GADL1: variants seen among roughly 807,000 people sequenced by gnomAD.
GADL1 encodes the protein GAD like acidic amino acid decarboxylase 1, also known as acidic amino acid decarboxylase GADL1.
A neutral mutation model predicts 69.5 loss-of-function variants in GADL1; 71 were observed. The observed-to-expected ratio is 1.02, with a 90% CI of 0.84 to 1.25. The LOEUF (loss-of-function observed/expected upper bound fraction) is 1.25, where lower values mean the gene tolerates loss of function less well. Ranked by LOEUF, GADL1 falls within the 50% of genes most tolerant of loss-of-function variation. The pLI, the probability that GADL1 is intolerant of heterozygous loss-of-function variation, is 0.00. For missense variants in GADL1, 737 were observed against 631.8 expected, an observed-to-expected ratio of 1.17 and a Z score of -1.79; for synonymous variants, 254 against 214.4, an observed-to-expected ratio of 1.18 and a Z score of -1.62.
chr3:30,738,453 C>T (rs766790134), intron 14 of GADL1, among the ~76,000 whole-genome samples: 12 of 143,406 alleles, frequency 8.4e-5, no homozygotes, highest in Non-Finnish European at 1.4e-4. Context: ...TAATTCCCAC[C>T]GACATCTCTA....
Position 30,822,989 on chromosome 3 carries a change from T to G in GADL1, c.1050+10864A>C, listed in dbSNP as rs561166231. ...GCAGTATTGAACAGCTGCTAATTAT[T>G]AAAAATTCAGAACGTGGCACATATC... On this transcript the variant is annotated intron_variant, in intron 11 of 14. Transcript: ENST00000282538. 1.6e-4 allele frequency among the ~76,000 whole-genome samples: 25 copies of G among 152,098 alleles called. 1 individual carries two copies. The South Asian group carries it at 4.8e-3, about 29-fold the overall frequency.
At chr3:30,869,037 A>G (rs76380107) in intron 1 of GADL1, among the ~76,000 whole-genome samples, 2,888 of 151,290 alleles carry the variant, frequency 0.019, 115 homozygotes, top group East Asian at 0.14. Flanking sequence ...TAATAAATTA[A>G]TAAGAGCCTC....
intron 11 of GADL1, among the ~76,000 whole-genome samples, chr3:30,823,947 C>T (rs754433382): frequency 1.9e-4 from 28 of 151,324 alleles, no homozygotes; most frequent in Non-Finnish European, 1.2e-4. Flanking sequence ...CATGGAAAAA[C>T]AAAATTAAGG....
intron 14 of GADL1, among the ~76,000 whole-genome samples, chr3:30,768,622 CCT>C (rs1285554407): frequency 1.3e-5 from 2 of 151,728 alleles, no homozygotes; most frequent in African/African-American, 2.4e-5. Context: ...GGTGCAAAGA[CCT>C]CTGAGGCACA....
At chr3:30,854,677 A>C (rs887357130) in intron 4 of GADL1, 22 bp downstream of exon 4, 2 of 1,444,772 alleles carry the variant, frequency 1.4e-6, no homozygotes, top group Non-Finnish European at 1.9e-6. Context: ...TTGGTGTGAA[A>C]TTTCTATAGC....
intron 1 of GADL1, among the ~76,000 whole-genome samples, chr3:30,866,779 C>T (rs780222778): frequency 5.3e-5 from 8 of 152,030 alleles, no homozygotes; most frequent in Non-Finnish European, 1.0e-4. Flanking sequence ...CCTGTGTTTA[C>T]CTGTGTAGAG....
intron 13 of GADL1, among the ~76,000 whole-genome samples, chr3:30,786,120 ATTAT>A (rs1183523232): frequency 1.3e-5 from 2 of 151,958 alleles, no homozygotes; most frequent in African/African-American, 4.8e-5. Context: ...ATCCTTGGTA[ATTAT>A]TATTGAGCAT....
At chr3:30,802,456 T>C (rs939080877) in intron 11 of GADL1, among the ~76,000 whole-genome samples, 3 of 144,812 alleles carry the variant, frequency 2.1e-5, no homozygotes, top group African/African-American at 5.3e-5. Context: ...ACTTTAACAA[T>C]GCAAAACTAC....
intron 12 of GADL1, among the ~76,000 whole-genome samples, chr3:30,790,473 A>T (rs1367108977): frequency 6.6e-6 from 1 of 152,194 alleles, no homozygotes; most frequent in Non-Finnish European, 1.5e-5. Context: ...CAAGCCCTCA[A>T]TTTGTAAAAA....
intron 11 of GADL1, among the ~76,000 whole-genome samples, chr3:30,804,971 G>C (rs940678764): frequency 2.0e-5 from 3 of 152,196 alleles, no homozygotes; most frequent in Non-Finnish European, 2.9e-5. Context: ...GCGCAAAGCA[G>C]AGGAAATAAA....
chr3:30,827,916 C>G (rs750992134), intron 11 of GADL1, among the ~76,000 whole-genome samples: 10 of 151,818 alleles, frequency 6.6e-5, no homozygotes, highest in African/African-American at 9.7e-5. Flanking sequence ...CTTCTCTTTT[C>G]TAATCAGTTT....
At chr3:30,805,758 T>TTTTTTTTTTTTTTTTTTA (rs1553640487) in intron 11 of GADL1, among the ~76,000 whole-genome samples, 1 of 143,314 alleles carries the variant, frequency 7.0e-6, no homozygotes, top group East Asian at 2.2e-4. Flanking sequence ...TTTTTTTTTT[T>TTTTTTTTTTTTTTTTTTA]GGGCACCAGG....
At position 30,800,985 on chromosome 3, in the gene GADL1, C is replaced by T; in HGVS notation, c.1154G>A (p.Ser385Asn). The T allele has an allele frequency of 1.2e-6, 2 of 1,613,862 alleles. No homozygotes were observed. The highest frequency in any genetic ancestry group is 8.5e-7 in the Non-Finnish European group (1 of 1,179,830). The change falls in exon 12 of 15, where the codon AGC becomes AAC. Residue 385 changes from serine to asparagine, a missense_variant. Physicochemically the swap from Ser to Asn is conservative, Grantham distance 46. Coordinates refer to ENST00000282538, the MANE Select transcript of GADL1 (RefSeq NM_207359.3). ...GAACTTGAATGCATCTGGTCTTCTG[C>T]TACACTGGATAGACTTGTCTCCTGT... Reference protein sequence around the residue: ...YDTGDKSIQCSRRPDAFKFWM... With the variant: ...YDTGDKSIQCNRRPDAFKFWM...
Position 30,850,834 on chromosome 3 carries a change from C to A in GADL1, c.535+1G>T. ...TGATATCAATAACTAATTGTACTCACCTGGGTTAAATATTCCATCCCCTTC... is the reference window on the plus strand; with the variant it reads ...TGATATCAATAACTAATTGTACTCAACTGGGTTAAATATTCCATCCCCTTC... On this transcript the variant is annotated splice_donor_variant, in intron 5 of 14. Coordinates refer to ENST00000282538, the MANE Select transcript of GADL1 (RefSeq NM_207359.3). LOFTEE classifies it high-confidence loss of function. 1 of 1,523,428 alleles carries A rather than the reference C, an allele frequency of 6.6e-7. No individual in the cohort carries two copies. Among genetic ancestry groups the A allele is most frequent in the Non-Finnish European group, 8.9e-7 (1 of 1,121,558 alleles). The allele number at this position is 1,523,428 out of a possible 1,614,324, so 94.4% of individuals were successfully genotyped here.
At chr3:30,771,054 G>T (rs894683407) in intron 14 of GADL1, among the ~76,000 whole-genome samples, 4 of 152,118 alleles carry the variant, frequency 2.6e-5, no homozygotes, top group Non-Finnish European at 5.9e-5. Flanking sequence ...TTAAACATGC[G>T]CATACAACAA....
chr3:30,744,939 C>T (rs7635274), intron 14 of GADL1, among the ~76,000 whole-genome samples: 13,978 of 152,094 alleles, frequency 0.092, 1,740 homozygotes, highest in African/African-American at 0.29. Context: ...CAGCGGCGAA[C>T]GAAATCTAAA....
At chr3:30,754,959 C>T (rs912604489) in intron 14 of GADL1, among the ~76,000 whole-genome samples, 1 of 151,994 alleles carries the variant, frequency 6.6e-6, no homozygotes, top group Non-Finnish European at 1.5e-5. Context: ...GAGACTTTCA[C>T]TGAGGAAGCA....
Position 30,728,408 on chromosome 3 carries a change from G to T in GADL1, c.1400C>A (p.Pro467Gln). 6.2e-7 allele frequency: 1 copy of T among 1,613,398 alleles called. No individual in the cohort carries two copies. The highest frequency in any genetic ancestry group is 2.2e-5 in the East Asian group (1 of 44,790). ...CTTCATCATCCTCTCCTTAATGGCT[G>T]GGGCCACCTGTGTGGGGAGAAAAGG... is the stretch of plus-strand genomic sequence containing the variant. ...EFWAKLNLVAPAIKERMMKKG... is the reference protein window; with the variant it reads ...EFWAKLNLVAQAIKERMMKKG... Residue 467 changes from proline to glutamine, a missense_variant, in exon 15 of 15, where the codon CCA (proline) becomes CAA (glutamine). Pro to Gln is a moderately conservative substitution (Grantham distance 76). Transcript: ENST00000282538.
chr3:30,731,703 T>A (rs150631411), intron 14 of GADL1, among the ~76,000 whole-genome samples: 188 of 152,330 alleles, frequency 1.2e-3, no homozygotes, highest in African/African-American at 4.4e-3. Context: ...TAACTAAATA[T>A]ATGACTCAGA....
Sources: allele counts gnomAD v4.1 joint callset (sites outside exome capture counted in the v4.1 genomes callset), GRCh38; gene constraint gnomAD v4.1.1; transcripts MANE v1.5; gene names NCBI Gene and HGNC (gene_info 2026-07-23, HGNC 2026-07-21).